EPM2A: variants seen among roughly 807,000 people sequenced by gnomAD.
EPM2A encodes EPM2A glucan phosphatase, laforin, also known as laforin.
In EPM2A, 21 loss-of-function variants were observed where a neutral mutation model predicts 26.5. The observed-to-expected ratio is 0.79, with a 90% CI of 0.56 to 1.14. The LOEUF (loss-of-function observed/expected upper bound fraction) is 1.14, where lower values mean the gene tolerates loss of function less well. EPM2A is among the 50% of genes most tolerant of loss of function. The pLI, the probability that EPM2A is intolerant of heterozygous loss-of-function variation, is 0.00. For synonymous variants in EPM2A, 217 were observed against 177.6 expected, an observed-to-expected ratio of 1.22 and a Z score of -1.76; for missense variants, 458 against 440.8, an observed-to-expected ratio of 1.04 and a Z score of -0.35.
At chr6:145,599,284 C>T (rs1460883794) in intron 2 of EPM2A, among the ~76,000 whole-genome samples, 1 of 152,004 alleles carries the variant, frequency 6.6e-6, no homozygotes, top group African/African-American at 2.4e-5. Flanking sequence ...TTTTCTTTTA[C>T]TATGTCTTTC....
rs535491917 is a variant in EPM2A at position 145,719,625 on chromosome 6, T to TAATA, written c.301+15569_301+15572dup. Among the ~76,000 whole-genome samples, 377 of 152,168 alleles carry TAATA rather than the reference T, an allele frequency of 2.5e-3. 4 individuals carry two copies. The highest frequency in any genetic ancestry group is 8.5e-3 in the African/African-American group (354 of 41,516). On this transcript the variant is annotated intron_variant, in intron 1 of 3. Transcript: ENST00000367519. The stretch of plus-strand genomic sequence containing the variant: ...TACCCTAAAACTTAAAGTATAATAA[T>TAATA]AATAAATAAATAAATAAAAACATTG...
In EPM2A at chr6:145,541,336, A is replaced by G. The variant is rs554817461; in HGVS notation, c.341-38761T>C. ...TATATACATATATATGTGTATATAT[A>G]TGTGTGTGTGTATATATATATATAT... On this transcript the variant is annotated intron_variant, in intron 2 of 3. Coordinates refer to the EPM2A transcript ENST00000450221. 1.4e-4 allele frequency among the ~76,000 whole-genome samples: 17 copies of G among 125,332 alleles called. No individual in the cohort carries two copies. The East Asian group carries it at 2.2e-3, about 16-fold the overall frequency. 82.2% of individuals were successfully genotyped at this position (125,332 alleles called of 152,430 possible).
At chr6:145,575,645 T>C (rs567197428) in intron 2 of EPM2A, among the ~76,000 whole-genome samples, 2 of 152,206 alleles carry the variant, frequency 1.3e-5, no homozygotes, top group South Asian at 2.1e-4. Flanking sequence ...AAAGGTATTA[T>C]GTATAGAGTC....
chr6:145,563,641 C>A (rs559705511), intron 2 of EPM2A, among the ~76,000 whole-genome samples: 1 of 152,164 alleles, frequency 6.6e-6, no homozygotes, highest in Non-Finnish European at 1.5e-5. Context: ...AGAGACAAAT[C>A]AATGGAATGA....
intron 4 of EPM2A, among the ~76,000 whole-genome samples, chr6:145,450,291 T>C (rs906827072): frequency 1.4e-5 from 2 of 144,376 alleles, no homozygotes; most frequent in African/African-American, 2.6e-5. Flanking sequence ...AGGCTGAGCT[T>C]GCAGTGAGCC....
At chr6:145,587,169 A>C (rs1485876163) in intron 2 of EPM2A, among the ~76,000 whole-genome samples, 2 of 152,228 alleles carry the variant, frequency 1.3e-5, no homozygotes, top group Non-Finnish European at 2.9e-5. Flanking sequence ...GCATTCAGTA[A>C]TTGGTAATAA....
chr6:145,592,359 C>A (rs1462259567), intron 2 of EPM2A, among the ~76,000 whole-genome samples: 1 of 152,084 alleles, frequency 6.6e-6, no homozygotes, highest in South Asian at 2.1e-4. Context: ...TTTATGGCTG[C>A]AAAGTATTCC....
rs138360153 is a variant in EPM2A, at chr6:145,441,578, T to A, written c.556-57481A>T. ...GCTCTGTTTCCCTTTTAAAACTGAA[T>A]GCTGCCTGGGTGTGGTGGCTCATGC... On this transcript the variant is annotated intron_variant, in intron 4 of 4. Coordinates refer to the EPM2A transcript ENST00000638717. Among the ~76,000 whole-genome samples, 787 of 152,246 alleles carry A rather than the reference T, an allele frequency of 5.2e-3. 4 individuals are homozygous for A. The highest frequency in any genetic ancestry group is 0.018 in the African/African-American group (762 of 41,552).
At chr6:145,452,411 C>T (rs528138767) in intron 4 of EPM2A, among the ~76,000 whole-genome samples, 1 of 135,478 alleles carries the variant, frequency 7.4e-6, no homozygotes, top group South Asian at 2.4e-4. Context: ...ACTGGGAGGC[C>T]GAGGCGGGCA....
chr6:145,687,181 G>A (rs1208095245), intron 1 of EPM2A, among the ~76,000 whole-genome samples: 1 of 152,066 alleles, frequency 6.6e-6, no homozygotes, highest in Non-Finnish European at 1.5e-5. Context: ...AGATGATTAG[G>A]TCATGAAGAA....
chr6:145,417,038 T>C lies in EPM2A; in HGVS notation c.556-32941A>G, dbSNP rs75358035. Among the ~76,000 whole-genome samples, 474 of 152,304 alleles carry C rather than the reference T, an allele frequency of 3.1e-3. 10 individuals carry two copies. The East Asian group carries it at 0.054, about 17-fold the overall frequency. ...CCCCTAATGGCTGAAATCTCCCTCA[T>C]AGCTAAGCAGACCCAGCCTTGGCCA... On this transcript the variant is annotated intron_variant, in intron 4 of 4. Transcript: ENST00000638717.
intron 4 of EPM2A, among the ~76,000 whole-genome samples, chr6:145,445,817 C>T (rs1467924304): frequency 1.3e-5 from 2 of 152,140 alleles, no homozygotes; most frequent in African/African-American, 2.4e-5. Flanking sequence ...CTTTGGTGCT[C>T]CTCTCATTGA....
chr6:145,614,670 G>C (rs1453900629), intron 2 of EPM2A, among the ~76,000 whole-genome samples: 1 of 152,156 alleles, frequency 6.6e-6, no homozygotes, highest in Non-Finnish European at 1.5e-5. Context: ...AGGGAGATGA[G>C]GAAATGGCAA....
intron 3 of EPM2A, among the ~76,000 whole-genome samples, chr6:145,633,145 G>A (rs971214643): frequency 3.3e-5 from 5 of 152,166 alleles, no homozygotes; most frequent in Non-Finnish European, 5.9e-5. Flanking sequence ...AGAGCCTTCA[G>A]GTAATCAGTG....
intron 4 of EPM2A, among the ~76,000 whole-genome samples, chr6:145,463,036 A>G (rs1779345664): frequency 6.6e-6 from 1 of 152,154 alleles, no homozygotes; most frequent in Non-Finnish European, 1.5e-5. Context: ...TTTATTTAAA[A>G]AATTCAAGCA....
chr6:145,525,916 T>C (rs919190364), intron 2 of EPM2A, among the ~76,000 whole-genome samples: 2 of 152,106 alleles, frequency 1.3e-5, no homozygotes, highest in African/African-American at 2.4e-5. Flanking sequence ...AAGTATGATA[T>C]TGGCTGTGAG....
At chr6:145,658,783 T>C (rs1778474774) in intron 2 of EPM2A, among the ~76,000 whole-genome samples, 1 of 152,188 alleles carries the variant, frequency 6.6e-6, no homozygotes, top group Non-Finnish European at 1.5e-5. Context: ...TTTTGATTTT[T>C]AAATAAATTA....
intron 4 of EPM2A, among the ~76,000 whole-genome samples, chr6:145,483,432 T>G (rs1485346181): frequency 6.6e-6 from 1 of 151,540 alleles, no homozygotes; most frequent in African/African-American, 2.4e-5. Flanking sequence ...CTTACTCAGT[T>G]TTTTAGCCTC....
At chr6:145,535,400 T>A (rs934807489) in intron 2 of EPM2A, among the ~76,000 whole-genome samples, 1 of 152,226 alleles carries the variant, frequency 6.6e-6, no homozygotes, top group Non-Finnish European at 1.5e-5. Flanking sequence ...AGTTATTTTT[T>A]AAAATACATT....
Sources: gnomAD v4.1 joint callset for allele counts (sites outside exome capture counted in the v4.1 genomes callset) on GRCh38, gnomAD v4.1.1 for gene constraint, MANE v1.5 for transcripts, NCBI Gene and HGNC (gene_info 2026-07-23, HGNC 2026-07-21) for gene names.